Variants in CYTH1 observed in about 807,000 individuals in gnomAD.
CYTH1 encodes the protein cytohesin 1.
CYTH1 carries 18 observed loss-of-function variants against 61.8 expected under a neutral mutation model. The ratio of observed to expected loss-of-function variants is 0.29; its 90% CI spans 0.20 to 0.43. The LOEUF (loss-of-function observed/expected upper bound fraction) is 0.43. Among genes scored for constraint, CYTH1 ranks in the 20% least tolerant of loss-of-function variants. The pLI, the probability that CYTH1 is intolerant of heterozygous loss-of-function variation, is 1.00. For missense variants in CYTH1, 336 were observed against 510.5 expected, an observed-to-expected ratio of 0.66 and a Z score of 3.29; for synonymous variants, 174 against 184.3, an observed-to-expected ratio of 0.94 and a Z score of 0.45.
At chr17:78,765,361 A>G (rs2093444462) in intron 1 of CYTH1, among the ~76,000 whole-genome samples, 1 of 152,200 alleles carries the variant, frequency 6.6e-6, no homozygotes, top group Admixed American at 6.5e-5. Context: ...CCCATAAAAT[A>G]AATATTTCAA....
chr17:78,690,858 G>T (rs1445251209), intron 11 of CYTH1, among the ~76,000 whole-genome samples: 1 of 152,144 alleles, frequency 6.6e-6, no homozygotes, highest in Non-Finnish European at 1.5e-5. Flanking sequence ...CTATAGGATT[G>T]TCCAGGACTT....
chr17:78,737,876 CA>C, intron 1 of CYTH1, among the ~76,000 whole-genome samples: 2 of 42,596 alleles, frequency 4.7e-5, no homozygotes, highest in African/African-American at 1.1e-4. Flanking sequence ...TCTATAGATA[CA>C]CACACACACA....
At chr17:78,776,407 G>C (rs556297122) in intron 1 of CYTH1, among the ~76,000 whole-genome samples, 1 of 150,448 alleles carries the variant, frequency 6.6e-6, no homozygotes, top group South Asian at 2.1e-4. Context: ...CTGTAATCCC[G>C]GCACTTTGGG....
At chr17:78,754,027 C>T (rs2093390912) in intron 1 of CYTH1, among the ~76,000 whole-genome samples, 1 of 152,148 alleles carries the variant, frequency 6.6e-6, no homozygotes, top group African/African-American at 2.4e-5. Context: ...ATGCTAGGAT[C>T]CTCTCCTCTA....
At chr17:78,727,546 C>T in intron 1 of CYTH1, 1 of 371,322 alleles carries the variant, frequency 2.7e-6, no homozygotes, top group Non-Finnish European at 5.7e-6. Context: ...CCAGAGTTGC[C>T]CCGAGTCCGG....
chr17:78,736,495 T>A (rs1302405711), intron 1 of CYTH1, among the ~76,000 whole-genome samples: 1 of 151,920 alleles, frequency 6.6e-6, no homozygotes, highest in Non-Finnish European at 1.5e-5. Context: ...TCCTAACCAC[T>A]AAGAGACTAT....
chr17:78,697,847 G>C (rs1475192783), intron 9 of CYTH1, among the ~76,000 whole-genome samples: 1 of 152,146 alleles, frequency 6.6e-6, no homozygotes, highest in Non-Finnish European at 1.5e-5. Flanking sequence ...AAGGCAAACG[G>C]ACCAGGTGCT....
chr17:78,763,983 C>T (rs775304923), intron 1 of CYTH1, among the ~76,000 whole-genome samples: 18 of 151,548 alleles, frequency 1.2e-4, no homozygotes, highest in Admixed American at 7.9e-4. Flanking sequence ...CAGTGGTGTG[C>T]GCCTGCAGTC....
Position 78,774,599 on chromosome 17 carries a change from T to C in CYTH1, c.22+7603A>G, listed in dbSNP as rs60955715. 4.2e-3 allele frequency among the ~76,000 whole-genome samples: 641 copies of C among 152,258 alleles called. 6 individuals carry two copies. Among genetic ancestry groups the C allele is most frequent in the African/African-American group, 0.015 (603 of 41,550 alleles). ...TGTAGGGCCCCAGGCACCATGCCTA[T>C]TCTGGAGACATGGTGATGAAAAGGC... On this transcript the variant is annotated intron_variant, in intron 1 of 13. Transcript: ENST00000446868.
rs780077644 is a variant in CYTH1, at chr17:78,676,001, C to T, written c.*90G>A. 3.8e-5 allele frequency: 59 copies of T among 1,550,830 alleles called. No individual in the cohort carries two copies. The highest frequency in any genetic ancestry group is 4.4e-5 in the Non-Finnish European group (51 of 1,146,480). On this transcript the variant is annotated 3_prime_UTR_variant, in exon 14 of 14. Coordinates refer to ENST00000446868, the MANE Select transcript of CYTH1 (RefSeq NM_004762.6). ...ATCCAGGGCGGGGCCTGGCAGAGGA[C>T]GCTCTGCTCGGCAGCAGTGCATCCA...
chr17:78,751,610 T>C (rs1428877370), intron 1 of CYTH1, among the ~76,000 whole-genome samples: 2 of 152,228 alleles, frequency 1.3e-5, no homozygotes, highest in African/African-American at 2.4e-5. Flanking sequence ...CATTTTTCAC[T>C]GCTCTGTGAA....
intron 11 of CYTH1, among the ~76,000 whole-genome samples, chr17:78,686,561 G>A (rs138859687): frequency 2.6e-5 from 4 of 152,038 alleles, no homozygotes; most frequent in African/African-American, 9.7e-5. Context: ...GGTGAGTGGT[G>A]GGAGAGCTCA....
At position 78,698,908 on chromosome 17, in the gene CYTH1, T is replaced by C. The variant is rs574814614; in HGVS notation, c.611A>G (p.Asn204Ser). 88 of 1,612,016 alleles carry C rather than the reference T, an allele frequency of 5.5e-5. No individual in the cohort carries two copies. The highest frequency in any genetic ancestry group is 3.3e-4 in the Middle Eastern group (2 of 6,058). The change falls in exon 8 of 14, where the codon AAT becomes AGT. Residue 204 changes from asparagine to serine, a missense_variant. Physicochemically the swap from Asn to Ser is conservative, Grantham distance 46. This residue lies in a region of CYTH1 where 125 missense variants were observed against 209.9 expected (regional missense o/e 0.60). Coordinates refer to ENST00000446868, the MANE Select transcript of CYTH1 (RefSeq NM_004762.6). ...CTCCACAGTGGGCTTATCTTTGACA[T>C]TGGGGTTGTGCAGACTGGTGTTCAA... ...IMLNTSLHNP[N>S]VKDKPTVERF...
At chr17:78,736,679 G>A (rs1488289070) in intron 1 of CYTH1, 4 of 398,430 alleles carry the variant, frequency 1.0e-5, no homozygotes, top group South Asian at 1.8e-5. Flanking sequence ...CGGGGGCTGC[G>A]GCTTTGACTC....
Position 78,675,707 on chromosome 17 carries a change from T to A in CYTH1, c.*384A>T, listed in dbSNP as rs1480371833. The A allele has an allele frequency of 2.1e-6, 1 of 479,958 alleles. No individual in the cohort carries two copies. The highest frequency in any genetic ancestry group is 3.3e-5 in the East Asian group (1 of 30,724). The allele number at this position is 479,958 out of a possible 1,614,324, so 29.7% of individuals were successfully genotyped here. ...CTTTTTCTCTTAACATATAATAATA[T>A]ATGGACACATGTATTTATGGTGCAG... is the stretch of plus-strand genomic sequence containing the variant. On this transcript the variant is annotated 3_prime_UTR_variant, in exon 14 of 14. Coordinates refer to ENST00000446868, the MANE Select transcript of CYTH1 (RefSeq NM_004762.6).
chr17:78,736,922 C>T (rs1334322170), intron 1 of CYTH1: 2 of 159,892 alleles, frequency 1.3e-5, no homozygotes, highest in Non-Finnish European at 2.8e-5. Context: ...AATCAACCTC[C>T]AGCCTCCAAA....
chr17:78,686,389 C>A (rs2092816799), intron 11 of CYTH1, among the ~76,000 whole-genome samples: 1 of 152,148 alleles, frequency 6.6e-6, no homozygotes, highest in African/African-American at 2.4e-5. Flanking sequence ...GGAAACCTTG[C>A]TTTTCTGGCC....
chr17:78,677,170 C>A, intron 13 of CYTH1: 1 of 431,508 alleles, frequency 2.3e-6, no homozygotes, highest in South Asian at 1.6e-5. Flanking sequence ...GCGGTCTGAC[C>A]ACCTGAAGTG....
rs934182923 is a variant in CYTH1, at chr17:78,700,931, T to C, written c.438-488A>G. ...TGCAAAGTTGCCATCCACACCACTG[T>C]TACCTTAATCAAAAGTAAAATTTTT... On this transcript the variant is annotated intron_variant, in intron 6 of 13. Coordinates refer to ENST00000446868, the MANE Select transcript of CYTH1 (RefSeq NM_004762.6). The surrounding 1 kb of genome is among the most constrained non-coding windows in gnomAD (Gnocchi z 5.1). 4.9e-4 allele frequency among the ~76,000 whole-genome samples: 74 copies of C among 152,164 alleles called. No individual in the cohort carries two copies. Among genetic ancestry groups the C allele is most frequent in the Non-Finnish European group, 9.7e-4 (66 of 68,022 alleles).
Sources: gnomAD v4.1 joint callset for allele counts (sites outside exome capture counted in the v4.1 genomes callset) on GRCh38, gnomAD v4.1.1 for gene constraint, gnomAD v4.1.1 regional missense constraint, Gnocchi (gnomAD v3.1) non-coding constraint, MANE v1.5 for transcripts, NCBI Gene and HGNC (gene_info 2026-07-23, HGNC 2026-07-21) for gene names.